GARIN1A: variants seen among roughly 807,000 people sequenced by gnomAD.
GARIN1A encodes Golgi-associated RAB2 interactor protein 1A.
the GARIN1A span, among the ~76,000 whole-genome samples, chr7:128,703,010 T>A: frequency 6.6e-6 from 1 of 152,340 alleles, no homozygotes; most frequent in South Asian, 2.1e-4. Context: ...GTTTTGAATG[T>A]GCAAGCATGT....
chr7:128,677,520 A>AAAAAAT, the GARIN1A span: 1 of 1,473,278 alleles, frequency 6.8e-7, no homozygotes, highest in Non-Finnish European at 9.0e-7. Flanking sequence ...AAAAAAAAAA[A>AAAAAAT]GAAACCACGG....
At chr7:128,680,076 G>C in the GARIN1A span, 11 of 1,582,920 alleles carry the variant, frequency 6.9e-6, no homozygotes, top group Non-Finnish European at 9.4e-6. Flanking sequence ...CGAGCCCCTC[G>C]TGCTGCTGGC....
the GARIN1A span, among the ~76,000 whole-genome samples, chr7:128,694,831 A>G: frequency 6.6e-6 from 1 of 152,220 alleles, no homozygotes; most frequent in Non-Finnish European, 1.5e-5. Flanking sequence ...AGGCATAAAT[A>G]TAGTCACTCA....
chr7:128,675,498 C>G, the GARIN1A span: 1 of 621,894 alleles, frequency 1.6e-6, no homozygotes. Context: ...AGGGTTCCTG[C>G]AGCCAATGAC....
the GARIN1A span, among the ~76,000 whole-genome samples, chr7:128,688,217 G>T: frequency 6.6e-6 from 1 of 152,052 alleles, no homozygotes; most frequent in Non-Finnish European, 1.5e-5. Flanking sequence ...TCACTAGGTT[G>T]GCCAGGATGG....
the GARIN1A span, chr7:128,687,792 C>T: frequency 6.6e-6 from 1 of 152,216 alleles, no homozygotes; most frequent in Non-Finnish European, 1.5e-5. Context: ...CCTTGTATTG[C>T]TGGGGGACAG....
chr7:128,704,856 G>T, the GARIN1A span, among the ~76,000 whole-genome samples: 1 of 152,158 alleles, frequency 6.6e-6, no homozygotes, highest in Non-Finnish European at 1.5e-5. Context: ...CTGCTTTAGT[G>T]GGTAAATTTG....
At chr7:128,678,799 C>CAAA in the GARIN1A span, among the ~76,000 whole-genome samples, 1 of 80,652 alleles carries the variant, frequency 1.2e-5, no homozygotes, top group Non-Finnish European at 2.6e-5. Context: ...AACTCCATCT[C>CAAA]AAAAAAAAAA....
chr7:128,680,070 C>G, the GARIN1A span: 1 of 1,581,440 alleles, frequency 6.3e-7, no homozygotes, highest in Non-Finnish European at 8.6e-7. Context: ...GCCCAGCGAG[C>G]CCCTCGTGCT....
chr7:128,698,274 C>A, the GARIN1A span, among the ~76,000 whole-genome samples: 6 of 152,166 alleles, frequency 3.9e-5, no homozygotes, highest in African/African-American at 1.4e-4. Flanking sequence ...ACAGCTCCTG[C>A]ACCATCTCTG....
At chr7:128,672,658 C>CGGGGGGGGGG in the GARIN1A span, 1 of 116,144 alleles carries the variant, frequency 8.6e-6, no homozygotes, top group South Asian at 1.0e-4. Flanking sequence ...GAGGGGGGGG[C>CGGGGGGGGGG]GGGGGGACAA....
the GARIN1A span, among the ~76,000 whole-genome samples, chr7:128,702,536 A>G: frequency 6.6e-6 from 1 of 152,200 alleles, no homozygotes; most frequent in Non-Finnish European, 1.5e-5. Flanking sequence ...TATACATTAT[A>G]AATATGAGAT....
At chr7:128,677,999 A>C in the GARIN1A span, 2 of 369,564 alleles carry the variant, frequency 5.4e-6, no homozygotes, top group East Asian at 4.7e-5. Flanking sequence ...TAATATTAAG[A>C]CATTTAGAAA....
the GARIN1A span, among the ~76,000 whole-genome samples, chr7:128,695,006 G>A: frequency 1.2e-4 from 18 of 152,250 alleles, no homozygotes; most frequent in African/African-American, 3.9e-4. This position sits in a 1 kb window ranked among gnomAD's most constrained non-coding sequence, Gnocchi z 4.5. Context: ...CTTGCTTTAA[G>A]GTCTATACCA....
chr7:128,706,044 T>C, the GARIN1A span, among the ~76,000 whole-genome samples: 6 of 152,134 alleles, frequency 3.9e-5, no homozygotes, highest in Admixed American at 1.3e-4. Flanking sequence ...TCTCCCTCTC[T>C]CTCTCATCAG....
the GARIN1A span, among the ~76,000 whole-genome samples, chr7:128,695,978 C>T: frequency 4.7e-4 from 69 of 147,774 alleles, no homozygotes; most frequent in African/African-American, 1.6e-3. This position sits in a 1 kb window ranked among gnomAD's most constrained non-coding sequence, Gnocchi z 4.5. Flanking sequence ...GAATTTCCCT[C>T]CCTTCCTCCC....
At chr7:128,673,829 A>T in the GARIN1A span, among the ~76,000 whole-genome samples, 7 of 152,162 alleles carry the variant, frequency 4.6e-5, no homozygotes, top group Non-Finnish European at 7.4e-5. Flanking sequence ...GAGCAATAAC[A>T]TGGGAAGTCC....
chr7:128,696,895 C>A, the GARIN1A span, among the ~76,000 whole-genome samples: 1 of 152,200 alleles, frequency 6.6e-6, no homozygotes, highest in Non-Finnish European at 1.5e-5. Flanking sequence ...ATGTTTACAA[C>A]TACTTGAGTC....
chr7:128,677,770 A>G, the GARIN1A span: 1 of 1,613,930 alleles, frequency 6.2e-7, no homozygotes, highest in South Asian at 1.1e-5. Context: ...AAATTCACTC[A>G]CTGCCTGGTG....
Sources: allele counts gnomAD v4.1 joint callset (sites outside exome capture counted in the v4.1 genomes callset), GRCh38; gene constraint gnomAD v4.1.1; non-coding constraint Gnocchi (gnomAD v3.1); transcripts MANE v1.5; gene names NCBI Gene and HGNC (gene_info 2026-07-23, HGNC 2026-07-21).